ASCC2: variants seen among roughly 807,000 people sequenced by gnomAD.
ASCC2 encodes the protein activating signal cointegrator 1 complex subunit 2, also known as ASC-1 complex subunit P100.
ASCC2 carries 42 observed loss-of-function variants against 93.5 expected under a neutral mutation model. That is an observed-to-expected ratio of 0.45 (90% CI 0.35 to 0.58). The LOEUF is 0.58. Among genes scored for constraint, ASCC2 ranks in the 20% least tolerant of loss-of-function variants. The pLI is 0.00. For synonymous variants in ASCC2, 364 were observed against 384.2 expected (o/e 0.95, Z 0.62); for missense variants, 859 against 977.6 (o/e 0.88, Z 1.62).
Position 29,804,707 on chromosome 22 carries a change from G to A in ASCC2, c.1284C>T (p.Asn428=), listed in dbSNP as rs144908937. Residue 428 remains asparagine, a synonymous_variant, in exon 13 of 20, where the codon AAC becomes AAT. Transcript: ENST00000307790. ...CTGCCTCTGCTGTCACCGTGACCCC[G>A]TTAGGCTCCCCATTAGGCTCCTCAA... ...SVIEEPNGEP[N]GVTVTAEAVS... is the part of the protein sequence containing the mutation. The A allele has an allele frequency of 8.9e-4, 1,438 of 1,614,030 alleles. No homozygotes were observed. The highest frequency in any genetic ancestry group is 1.0e-3 in the Non-Finnish European group (1,235 of 1,180,016).
Position 29,816,024 on chromosome 22 carries a change from G to A in ASCC2, c.591C>T (p.Thr197=). 6.3e-7 allele frequency: 1 copy of A among 1,597,096 alleles called. No homozygotes were observed. The highest frequency in any genetic ancestry group is 8.5e-7 in the Non-Finnish European group (1 of 1,171,238). ...QPSYYSDLDE[T]LPTILQVFSN... ...CTGGTACCTGAAGGATGGTAGGCAG[G>A]GTTTCATCCAGGTCACTGTAGTAAC... is the stretch of plus-strand genomic sequence containing the variant. Residue 197 remains threonine, a synonymous_variant, in exon 6 of 20, where the codon ACC becomes ACT. Coordinates refer to ENST00000307790, the MANE Select transcript of ASCC2 (RefSeq NM_032204.5).
At chr22:29,809,141 A>AAAAAT (rs59722783) in intron 8 of ASCC2, among the ~76,000 whole-genome samples, 7 of 141,674 alleles carry the variant, frequency 4.9e-5, no homozygotes, top group African/African-American at 7.8e-5. Context: ...AAAAAAAAAA[A>AAAAAT]TTTAACATGA....
intron 13 of ASCC2, among the ~76,000 whole-genome samples, 189 bp downstream of exon 13, chr22:29,804,449 G>A (rs1286940769): frequency 6.6e-6 from 1 of 152,140 alleles, no homozygotes; most frequent in Non-Finnish European, 1.5e-5. Context: ...ACACAGTCCA[G>A]CATGCCCCCA....
rs1349678328 is a variant in ASCC2, at chr22:29,825,855, G to C, written c.82-75C>G. ...GGCCCATTTGCCAACCCACAGCAAT[G>C]ACAACACTTGGCTGTTCCAACCGGT... On this transcript the variant is annotated intron_variant, in intron 2 of 19. Coordinates refer to ENST00000307790, the MANE Select transcript of ASCC2 (RefSeq NM_032204.5). This position sits in a 1 kb window ranked among gnomAD's most constrained non-coding sequence, Gnocchi z 4.9. 4.1e-4 allele frequency: 629 copies of C among 1,521,036 alleles called. 1 individual carries two copies. The highest frequency in any genetic ancestry group is 3.5e-5 in the Non-Finnish European group (39 of 1,126,044). 94.2% of individuals were successfully genotyped at this position (1,521,036 alleles called of 1,614,324 possible). A position where few individuals can be genotyped will look rare whatever the true frequency, so the allele number is the denominator to read the frequency against.
Position 29,838,241 on chromosome 22 carries a change from G to T in ASCC2, c.-81C>A. On this transcript the variant is annotated 5_prime_UTR_variant, in exon 1 of 20. It adds an upstream start codon to the 5' untranslated region. Coordinates refer to ENST00000307790, the MANE Select transcript of ASCC2 (RefSeq NM_032204.5). ...GCCGCCGCCGCCGACCACGGTGACAGCTCCCTGAGCGCCCGCACTTCCGGG... is the reference window on the plus strand; with the variant it reads ...GCCGCCGCCGCCGACCACGGTGACATCTCCCTGAGCGCCCGCACTTCCGGG... 1 of 444,000 alleles carries T rather than the reference G, an allele frequency of 2.3e-6. No homozygotes were observed. The highest frequency in any genetic ancestry group is 4.6e-6 in the Non-Finnish European group (1 of 219,664). 27.5% of individuals were successfully genotyped at this position (444,000 alleles called of 1,614,324 possible).
chr22:29,824,846 G>A (rs547932073), intron 4 of ASCC2, among the ~76,000 whole-genome samples: 2 of 152,282 alleles, frequency 1.3e-5, no homozygotes, highest in South Asian at 4.1e-4. Context: ...GCAGTCACGC[G>A]TCAGCTGGCA....
At chr22:29,834,375 GTGGAAACAGCCTGGTACCCAAGGAACCT>G (rs1305792207) in intron 1 of ASCC2, 30 of 399,584 alleles carry the variant, frequency 7.5e-5, no homozygotes, top group African/African-American at 5.3e-4. Context: ...AGGCAAGGAG[GTGGAAACAGCCTGGTACCCAAGGAACCT>G]TGGTTCTGGC....
intron 5 of ASCC2, chr22:29,821,942 T>C (rs770313451): frequency 1.1e-5 from 5 of 450,708 alleles, no homozygotes; most frequent in African/African-American, 2.0e-5. Flanking sequence ...GAAGCTGCAG[T>C]GAAATATGAT....
intron 8 of ASCC2, among the ~76,000 whole-genome samples, chr22:29,813,224 T>G (rs1351045054): frequency 6.6e-6 from 1 of 152,052 alleles, no homozygotes; most frequent in East Asian, 1.9e-4. Context: ...CCTATCCTGG[T>G]CTTGGCCAAA....
intron 13 of ASCC2, 118 bp downstream of exon 13, chr22:29,804,520 A>C (rs1245511367): frequency 5.4e-6 from 7 of 1,308,028 alleles, no homozygotes; most frequent in South Asian, 2.8e-5. Context: ...TCTATTCCCC[A>C]AAAAAACTTT....
rs1486738919 is a variant in ASCC2 at position 29,790,548 on chromosome 22, G to C, written c.2023C>G (p.Pro675Ala). ...GCAGGGTCCTGAACAAAATGGTCGG[G>C]CTGTGGAAAGGAGAGGAGACCAAAT... is the stretch of plus-strand genomic sequence containing the variant. ...EDDADEEAPK[P>A]DHFVQDPAVL... The change falls in exon 19 of 20, where the codon CCC becomes GCC. Residue 675 changes from proline (P) to alanine (A), a missense_variant and splice_region_variant. Transcript: ENST00000307790. 5 of 1,614,034 alleles carry C rather than the reference G, an allele frequency of 3.1e-6. No individual in the cohort carries two copies. The highest frequency in any genetic ancestry group is 3.4e-6 in the Non-Finnish European group (4 of 1,180,004).
Position 29,825,364 on chromosome 22 carries a change from C to A in ASCC2, c.241-107G>T. On this transcript the variant is annotated intron_variant, in intron 3 of 19. Coordinates refer to ENST00000307790, the MANE Select transcript of ASCC2 (RefSeq NM_032204.5). This position sits in a 1 kb window ranked among gnomAD's most constrained non-coding sequence, Gnocchi z 4.9. The stretch of plus-strand genomic sequence containing the variant: ...CCCATCAGCCCTGCCCTATTCCAAA[C>A]ACTCCGACCCCAAGGGACCAAGGAG... 7.3e-7 allele frequency: 1 copy of A among 1,374,500 alleles called. No homozygotes were observed. The highest frequency in any genetic ancestry group is 9.9e-7 in the Non-Finnish European group (1 of 1,009,788). The allele number at this position is 1,374,500 out of a possible 1,614,324, so 85.1% of individuals were successfully genotyped here.
At position 29,802,007 on chromosome 22, in the gene ASCC2, G is replaced by C. The variant is rs369189168; in HGVS notation, c.1555C>G (p.Arg519Gly). 3.1e-6 allele frequency: 5 copies of C among 1,597,134 alleles called. No individual in the cohort carries two copies. The African/African-American group carries it at 5.4e-5, about 17-fold the overall frequency. The change falls in exon 14 of 20, where the codon CGC (arginine) becomes GGC (glycine). Residue 519 changes from arginine to glycine, a missense_variant. By Grantham distance (125) the Arg-to-Gly change is moderately radical. Transcript: ENST00000307790. ...TGTCTCTCCCACCTGTCTAGGTTGC[G>C]GTCCAGCTGGCTGAGGGTGGGGGCC... ...RLAPTLSQLD[R>G]NLDREMKPDP...
chr22:29,810,521 A>T (rs2060163659), intron 8 of ASCC2, among the ~76,000 whole-genome samples: 2 of 152,202 alleles, frequency 1.3e-5, no homozygotes, highest in African/African-American at 4.8e-5. Context: ...AATGACAGAG[A>T]GGGCAGTTTG....
In ASCC2 at chr22:29,838,221, C is replaced by G; in HGVS notation, c.-61G>C. The G allele has an allele frequency of 2.1e-6, 1 of 467,582 alleles. No individual in the cohort carries two copies. The highest frequency in any genetic ancestry group is 1.5e-5 in the South Asian group (1 of 65,404). The allele number at this position is 467,582 out of a possible 1,614,324, so 29.0% of individuals were successfully genotyped here. On this transcript the variant is annotated 5_prime_UTR_variant, in exon 1 of 20. Coordinates refer to ENST00000307790, the MANE Select transcript of ASCC2 (RefSeq NM_032204.5). ...GGCTCTGTGCCGCCGCCGCCGCCGC[C>G]GCCGCCGACCACGGTGACAGCTCCC...
At chr22:29,827,083 G>T (rs2062441088) in intron 2 of ASCC2, among the ~76,000 whole-genome samples, 1 of 114,378 alleles carries the variant, frequency 8.7e-6, no homozygotes, top group South Asian at 3.3e-4. Flanking sequence ...GGCTGACAGA[G>T]CCAGACTCCA....
At chr22:29,795,249 G>A (rs1208300701) in intron 15 of ASCC2, among the ~76,000 whole-genome samples, 3 of 151,892 alleles carry the variant, frequency 2.0e-5, no homozygotes, top group African/African-American at 7.3e-5. Context: ...TTTTTGTAGA[G>A]ACAGGGTCTC....
chr22:29,836,062 C>T (rs566994242), intron 1 of ASCC2, among the ~76,000 whole-genome samples: 3 of 151,822 alleles, frequency 2.0e-5, no homozygotes, highest in South Asian at 2.1e-4. Flanking sequence ...TGGGAAGCCA[C>T]GGAAGGAGAA....
chr22:29,811,600 C>T (rs2060284780), intron 8 of ASCC2, among the ~76,000 whole-genome samples: 1 of 152,230 alleles, frequency 6.6e-6, no homozygotes, highest in Non-Finnish European at 1.5e-5. Flanking sequence ...TCCTGGCCTC[C>T]AGCACAGTTG....
Sources: gnomAD v4.1 joint callset for allele counts (sites outside exome capture counted in the v4.1 genomes callset) on GRCh38, gnomAD v4.1.1 for gene constraint, Gnocchi (gnomAD v3.1) non-coding constraint, MANE v1.5 for transcripts, NCBI Gene and HGNC (gene_info 2026-07-23, HGNC 2026-07-21) for gene names.